FBXL17: variants seen among roughly 807,000 people sequenced by gnomAD.
The protein encoded by FBXL17 is F-box/LRR-repeat protein 17.
FBXL17 carries 22 observed loss-of-function variants against 66.2 expected under a neutral mutation model. That is an observed-to-expected ratio of 0.33 (90% CI 0.24 to 0.47). The LOEUF is 0.47. FBXL17 is among the 20% of genes least tolerant of loss of function. The pLI is 1.00. For synonymous variants in FBXL17, 474 were observed against 400.5 expected (o/e 1.18, Z -2.19); for missense variants, 878 against 948.2 (o/e 0.93, Z 0.97).
In FBXL17 at chr5:107,904,505, T is replaced by G. The variant is rs574463366; in HGVS notation, c.1823-23326A>C. ...AAAGGAAACTTTCTGTTACATCATCTGATATATAACTATATCTAGTTTCTA... is the reference window on the plus strand; with the variant it reads ...AAAGGAAACTTTCTGTTACATCATCGGATATATAACTATATCTAGTTTCTA... On this transcript the variant is annotated intron_variant, in intron 7 of 8. Coordinates refer to ENST00000542267, the MANE Select transcript of FBXL17 (RefSeq NM_001163315.3). Among the ~76,000 whole-genome samples, 10 of 152,300 alleles carry G rather than the reference T, an allele frequency of 6.6e-5. No homozygotes were observed. In the South Asian group the frequency reaches 2.1e-3, roughly 32 times the overall value.
chr5:108,089,000 C>T (rs748996983), intron 6 of FBXL17, among the ~76,000 whole-genome samples: 23 of 152,178 alleles, frequency 1.5e-4, no homozygotes, highest in Non-Finnish European at 3.1e-4. Flanking sequence ...AATGGTGCTG[C>T]TATTCATCCT....
chr5:108,198,531 G>GA (rs1309467463), intron 5 of FBXL17, among the ~76,000 whole-genome samples: 6 of 152,116 alleles, frequency 3.9e-5, no homozygotes, highest in African/African-American at 1.4e-4. Flanking sequence ...ACCTGTCATG[G>GA]ATAGTGAAGG....
chr5:107,930,119 T>A (rs1290311674), intron 7 of FBXL17, among the ~76,000 whole-genome samples: 1 of 152,140 alleles, frequency 6.6e-6, no homozygotes, highest in Non-Finnish European at 1.5e-5. Context: ...AAACAGTAAT[T>A]CTGATCTTAC....
intron 4 of FBXL17, among the ~76,000 whole-genome samples, chr5:108,336,723 C>T (rs1270632017): frequency 1.3e-5 from 2 of 152,084 alleles, no homozygotes; most frequent in Non-Finnish European, 2.9e-5. Context: ...AAAGAACACA[C>T]TTATTTGGGA....
chr5:107,903,628 T>C (rs1267857804), intron 7 of FBXL17, among the ~76,000 whole-genome samples: 3 of 152,116 alleles, frequency 2.0e-5, no homozygotes, highest in Non-Finnish European at 4.4e-5. Context: ...TGTATTCTTA[T>C]ATCAAAGAAC....
intron 4 of FBXL17, among the ~76,000 whole-genome samples, chr5:108,331,501 A>G (rs573349146): frequency 2.6e-5 from 4 of 152,206 alleles, no homozygotes; most frequent in Non-Finnish European, 5.9e-5. Flanking sequence ...AAGTCTTAAA[A>G]TCAACATGAA....
intron 6 of FBXL17, among the ~76,000 whole-genome samples, chr5:108,167,830 A>T (rs991848523): frequency 2.1e-4 from 32 of 152,232 alleles, no homozygotes; most frequent in African/African-American, 7.2e-4. Context: ...TCAGAAAAAA[A>T]GTAGACAGAT....
intron 7 of FBXL17, among the ~76,000 whole-genome samples, chr5:107,904,150 G>T (rs1749672102): frequency 6.6e-6 from 1 of 152,104 alleles, no homozygotes; most frequent in Admixed American, 6.6e-5. Flanking sequence ...TGCTCTAGAG[G>T]TACTCAAAAG....
At chr5:108,114,855 A>G (rs918928316) in intron 6 of FBXL17, among the ~76,000 whole-genome samples, 1 of 152,166 alleles carries the variant, frequency 6.6e-6, no homozygotes, top group Non-Finnish European at 1.5e-5. Context: ...AAGCTGCTGG[A>G]TAGAATTTCA....
At chr5:108,278,567 G>C (rs1333513974) in intron 4 of FBXL17, among the ~76,000 whole-genome samples, 1 of 152,210 alleles carries the variant, frequency 6.6e-6, no homozygotes, top group African/African-American at 2.4e-5. Flanking sequence ...GAGCTTGGCA[G>C]GGGCTCCAAT....
At chr5:108,152,414 G>A (rs553169408) in intron 6 of FBXL17, among the ~76,000 whole-genome samples, 3 of 152,190 alleles carry the variant, frequency 2.0e-5, no homozygotes, top group East Asian at 3.9e-4. Context: ...TTTTTTTATT[G>A]TAGAGCTTTT....
intron 6 of FBXL17, among the ~76,000 whole-genome samples, chr5:108,126,684 T>TATATATAC (rs1313924066): frequency 1.9e-3 from 260 of 135,352 alleles, no homozygotes; most frequent in Admixed American, 4.9e-3. Context: ...TATATATATA[T>TATATATAC]ACACACATAC....
At chr5:108,294,849 T>C (rs1453037980) in intron 4 of FBXL17, among the ~76,000 whole-genome samples, 1 of 152,262 alleles carries the variant, frequency 6.6e-6, no homozygotes, top group East Asian at 1.9e-4. Flanking sequence ...CAGAATGACT[T>C]ACTTCATATC....
intron 5 of FBXL17, among the ~76,000 whole-genome samples, chr5:108,195,909 A>G: frequency 6.6e-6 from 1 of 152,162 alleles, no homozygotes; most frequent in Non-Finnish European, 1.5e-5. Flanking sequence ...AACAAAGACA[A>G]TTTGGGGGCA....
chr5:108,260,627 C>T (rs997513486), intron 4 of FBXL17, among the ~76,000 whole-genome samples: 1 of 152,088 alleles, frequency 6.6e-6, no homozygotes, highest in East Asian at 1.9e-4. Context: ...TCCAATCAGG[C>T]CCACAAAATG....
In FBXL17 at chr5:108,193,510, A is replaced by T. The variant is rs1005116411; in HGVS notation, c.1615-7263T>A. Among the ~76,000 whole-genome samples the T allele has an allele frequency of 3.9e-5, 6 of 152,178 alleles. No individual in the cohort carries two copies. The East Asian group carries it at 1.2e-3, about 29-fold the overall frequency. On this transcript the variant is annotated intron_variant, in intron 5 of 8. Coordinates refer to ENST00000542267, the MANE Select transcript of FBXL17 (RefSeq NM_001163315.3). ...CCTAGAAAGACTTCCATCCTTGAGA[A>T]GGTCTGTTATCTACACTTAGAGAAG...
chr5:108,110,924 G>C (rs1164065925), intron 6 of FBXL17, among the ~76,000 whole-genome samples: 5 of 152,032 alleles, frequency 3.3e-5, no homozygotes, highest in African/African-American at 9.7e-5. Context: ...TATTAAACTA[G>C]GTACTAAGCC....
At chr5:108,355,985 A>G (rs1747961500) in intron 3 of FBXL17, among the ~76,000 whole-genome samples, 1 of 152,214 alleles carries the variant, frequency 6.6e-6, no homozygotes, top group Non-Finnish European at 1.5e-5. Flanking sequence ...GTTGTCTACA[A>G]GAAATCTACT....
chr5:108,145,301 G>A lies in FBXL17; in HGVS notation c.1745+40816C>T, dbSNP rs751120318. On this transcript the variant is annotated intron_variant, in intron 6 of 8. Transcript: ENST00000542267. ...AAATAAAACAATGAACTTAATAAAA[G>A]TAAATGAGTAGAGATCACATGGTAA... Among the ~76,000 whole-genome samples the A allele has an allele frequency of 1.5e-3, 231 of 152,192 alleles. 2 individuals carry two copies. Among genetic ancestry groups the A allele is most frequent in the Non-Finnish European group, 2.1e-3 (145 of 67,982 alleles).
Sources: allele counts gnomAD v4.1 joint callset (sites outside exome capture counted in the v4.1 genomes callset), GRCh38; gene constraint gnomAD v4.1.1; transcripts MANE v1.5; gene names NCBI Gene and HGNC (gene_info 2026-07-23, HGNC 2026-07-21).